Variants in OPLAH observed in about 807,000 individuals in gnomAD.
The protein encoded by OPLAH is 5-oxoprolinase, ATP-hydrolysing.
Under a neutral mutation model 122.8 loss-of-function variants are expected in OPLAH, and 103 were observed. The observed-to-expected ratio is 0.84, with a 90% confidence interval of 0.71 to 0.99. The LOEUF (loss-of-function observed/expected upper bound fraction) is 0.99. OPLAH is among the 50% of genes least tolerant of loss of function. The pLI is 0.00. For synonymous variants in OPLAH, 875 were observed against 796.0 expected, an observed-to-expected ratio of 1.10 and a Z score of -1.67; for missense variants, 1,902 against 1,836.5, an observed-to-expected ratio of 1.04 and a Z score of -0.65.
chr8:144,050,673 C>T, downstream of OPLAH: 5 of 984,916 alleles, frequency 5.1e-6, no homozygotes, highest in Non-Finnish European at 6.0e-6. Context: ...TGGGCACGCG[C>T]CAAGAGCAGC....
chr8:144,051,335 C>T lies in OPLAH; in HGVS notation c.3858G>A (p.Glu1286=). 6.2e-7 allele frequency: 1 copy of T among 1,611,728 alleles called. No homozygotes were observed. The highest frequency in any genetic ancestry group is 2.2e-5 in the East Asian group (1 of 44,728). The part of the protein sequence containing the change: ...GSVYEYRRAQ[E]AV Reference sequence around the variant, plus strand: ...CTTTATTGCGGGATCCTCACACGGCCTCCTGGGCCCGGCGATACTCATAGA... The same window carrying T: ...CTTTATTGCGGGATCCTCACACGGCTTCCTGGGCCCGGCGATACTCATAGA... Residue 1286 remains glutamate, a synonymous_variant, in exon 27 of 27, where the codon GAG becomes GAA. Coordinates refer to ENST00000618853, the MANE Select transcript of OPLAH (RefSeq NM_017570.5).
At chr8:144,052,943 C>A (rs1272848439) in intron 21 of OPLAH, 40 bp downstream of exon 21, 4 of 1,573,596 alleles carry the variant, frequency 2.5e-6, no homozygotes, top group African/African-American at 2.7e-5. Flanking sequence ...GCGGCCGCAC[C>A]GTGCCCCTGC....
At position 144,056,970 on chromosome 8, in the gene OPLAH, G is replaced by C; in HGVS notation, c.1684C>G (p.Leu562Val). ...CACCTGGGGAAGCCCTGGGCCTGCA[G>C]AGCATCCACACACTGCTCCTCCAGG... Reference protein sequence around the residue: ...SRLEEQCVDALQAQGFPRSQI... With the variant: ...SRLEEQCVDAVQAQGFPRSQI... Residue 562 changes from leucine to valine, a missense_variant, in exon 12 of 27, where the codon CTG becomes GTG. Leu to Val is a conservative substitution (Grantham distance 32). Coordinates refer to ENST00000618853, the MANE Select transcript of OPLAH (RefSeq NM_017570.5). The C allele has an allele frequency of 6.3e-7, 1 of 1,584,074 alleles. No homozygotes were observed. Among genetic ancestry groups the C allele is most frequent in the Non-Finnish European group, 8.6e-7 (1 of 1,167,400 alleles).
chr8:144,055,876 G>T lies in OPLAH; in HGVS notation c.2160C>A (p.Ser720=). 1 of 1,583,902 alleles carries T rather than the reference G, an allele frequency of 6.3e-7. No homozygotes were observed. The highest frequency in any genetic ancestry group is 8.6e-7 in the Non-Finnish European group (1 of 1,165,522). The change falls in exon 16 of 27, where the codon TCC becomes TCA. Residue 720 remains serine (S), a synonymous_variant. Coordinates refer to ENST00000618853, the MANE Select transcript of OPLAH (RefSeq NM_017570.5). This position sits in a 1 kb window ranked among gnomAD's most constrained non-coding sequence, Gnocchi z 6.5. ...EVTKTGDICI[S]VGAEVPGTVG... is the part of the protein sequence containing the mutation. Reference sequence around the variant, plus strand: ...CTGTGCCGGGGACTTCGGCCCCCACGGAGATGCAGATGTCCCCTGTCTTGG... The same window carrying T: ...CTGTGCCGGGGACTTCGGCCCCCACTGAGATGCAGATGTCCCCTGTCTTGG...
intron 10 of OPLAH, 47 bp downstream of exon 10, chr8:144,057,401 G>A (rs1269423771): frequency 1.9e-6 from 3 of 1,587,242 alleles, no homozygotes; most frequent in African/African-American, 2.7e-5. Context: ...CTGGGGCAGG[G>A]AGCAGGGCTG....
chr8:144,053,577 C>A (rs1554758259), intron 19 of OPLAH, among the ~76,000 whole-genome samples, 184 bp from the exon 20 acceptor site: 1 of 152,118 alleles, frequency 6.6e-6, no homozygotes, highest in Non-Finnish European at 1.5e-5. Context: ...GAGGCAGCCA[C>A]AAGGCCCTCT....
In OPLAH at chr8:144,052,251, C is replaced by T; in HGVS notation, c.3379G>A (p.Gly1127Ser). The change falls in exon 24 of 27, where the codon GGT becomes AGT. Residue 1127 changes from glycine (G) to serine (S), a missense_variant. Around this residue, in one of 3 missense-constraint regions of OPLAH, gnomAD observed 1,726 missense variants for 1,642.1 expected, o/e 1.05. Transcript: ENST00000618853. ...YETVAGGAGAGPSWHGRSGVH... is the reference protein window; with the variant it reads ...YETVAGGAGASPSWHGRSGVH... ...CCGCTGCGCCCGTGCCAGCTGGGAC[C>T]CGCGCCCGCGCCGCCCGCCACCGTC... The T allele has an allele frequency of 6.5e-7, 1 of 1,542,928 alleles. No individual in the cohort carries two copies. The highest frequency in any genetic ancestry group is 8.7e-7 in the Non-Finnish European group (1 of 1,149,384).
downstream of OPLAH, chr8:144,050,792 C>T (rs1375089198): frequency 2.0e-6 from 2 of 987,594 alleles, no homozygotes; most frequent in Non-Finnish European, 2.4e-6. Context: ...CCGGATCCCC[C>T]AGGGACCGCG....
At chr8:144,053,154 G>A in intron 20 of OPLAH, 25 bp from the exon 21 acceptor site, 1 of 1,607,800 alleles carries the variant, frequency 6.2e-7, no homozygotes, top group South Asian at 1.1e-5. Flanking sequence ...GATCAGTGGT[G>A]GCCAGGTCAC....
chr8:144,053,416 G>A (rs1181768154), intron 19 of OPLAH, 23 bp from the exon 20 acceptor site: 1 of 1,588,170 alleles, frequency 6.3e-7, no homozygotes, highest in Non-Finnish European at 8.6e-7. Flanking sequence ...TGTCATCACT[G>A]AGCCCCTGGC....
chr8:144,054,651 A>C lies in OPLAH; in HGVS notation c.2596T>G (p.Ser866Ala). The stretch of plus-strand genomic sequence containing the variant: ...AGCATGGTGGAGTGGGGGGGCATGG[A>C]GCCTGGTGTGATGCCCCCGATGTCT... ...HADIGGITPG[S>A]MPPHSTMLQQ... Residue 866 changes from serine to alanine, a missense_variant, in exon 19 of 27, where the codon TCC becomes GCC. By Grantham distance (99) the Ser-to-Ala change is moderately conservative. Coordinates refer to ENST00000618853, the MANE Select transcript of OPLAH (RefSeq NM_017570.5). The C allele has an allele frequency of 6.2e-7, 1 of 1,612,218 alleles. No individual in the cohort carries two copies. Among genetic ancestry groups the C allele is most frequent in the Non-Finnish European group, 8.5e-7 (1 of 1,179,594 alleles).
intron 13 of OPLAH, 39 bp downstream of exon 13, chr8:144,056,579 G>A: frequency 6.2e-7 from 1 of 1,612,266 alleles, no homozygotes; most frequent in Non-Finnish European, 8.5e-7. Context: ...CAGACAGGAG[G>A]GCCCCTTGCC....
Position 144,055,796 on chromosome 8 carries a change from C to T in OPLAH, c.2240G>A (p.Ser747Asn). 6.5e-7 allele frequency: 1 copy of T among 1,537,418 alleles called. No individual in the cohort carries two copies. Among genetic ancestry groups the T allele is most frequent in the Non-Finnish European group, 8.8e-7 (1 of 1,139,478 alleles). ...QLSIFSHRFM[S>N]IAEQMGRILQ... ...TGGCAGCGGCCACTCACCAGCAATG[C>T]TCATGAAGCGGTGTGAGAAGATGGA... is the stretch of plus-strand genomic sequence containing the variant. The change falls in exon 16 of 27, where the codon AGC becomes AAC. Residue 747 changes from serine (S) to asparagine (N), a missense_variant. By Grantham distance (46) the Ser-to-Asn change is conservative. Transcript: ENST00000618853. The surrounding 1 kb of genome is among the most constrained non-coding windows in gnomAD (Gnocchi z 6.5).
chr8:144,054,940 G>A (rs782626090), intron 17 of OPLAH, 27 bp from the exon 18 acceptor site: 38 of 1,461,442 alleles, frequency 2.6e-5, no homozygotes, highest in Admixed American at 3.7e-5. Context: ...GGTGCAGAGT[G>A]GGCACAGGGG....
In OPLAH at chr8:144,060,021, G is replaced by C. The variant is rs7003860; in HGVS notation, c.12C>G (p.Pro4=). The change falls in exon 2 of 27, where the codon CCC becomes CCG. Residue 4 remains proline (P), a synonymous_variant. Transcript: ENST00000618853. Reference sequence around the variant, plus strand: ...CGATGGCAAAGTGGAAGCGGCCCTCGGGGCTGCCCATGGTGGTGGGGCTGG... The same window carrying C: ...CGATGGCAAAGTGGAAGCGGCCCTCCGGGCTGCCCATGGTGGTGGGGCTGG... MGS[P]EGRFHFAIDR... is the part of the protein sequence containing the mutation. The C allele has an allele frequency of 0.08, 128,834 of 1,611,816 alleles. 7,944 individuals are homozygous for C. The highest frequency in any genetic ancestry group is 0.32 in the African/African-American group (24,155 of 75,016).
At chr8:144,052,144 C>T (rs1554757830) in intron 24 of OPLAH, 25 bp downstream of exon 24, 1 of 1,554,968 alleles carries the variant, frequency 6.4e-7, no homozygotes, top group Non-Finnish European at 8.7e-7. Context: ...CGGCCGTGCC[C>T]CCAGCCTCCG....
Position 144,053,021 on chromosome 8 carries a change from A to C in OPLAH, c.2980T>G (p.Ser994Ala). The C allele has an allele frequency of 6.2e-7, 1 of 1,603,404 alleles. No homozygotes were observed. Among genetic ancestry groups the C allele is most frequent in the Non-Finnish European group, 8.5e-7 (1 of 1,176,076 alleles). The part of the protein sequence containing the change: ...VSSEDHMDDG[S>A]PIRLRVQISL... ...ATCTGCACACGGAGGCGGATGGGGGAACCGTCGTCCATGTGGTCTTCCGAG... is the reference window on the plus strand; with the variant it reads ...ATCTGCACACGGAGGCGGATGGGGGCACCGTCGTCCATGTGGTCTTCCGAG... The change falls in exon 21 of 27, where the codon TCC (serine) becomes GCC (alanine). Residue 994 changes from serine (S) to alanine (A), a missense_variant. Ser to Ala is a moderately conservative substitution (Grantham distance 99). Coordinates refer to ENST00000618853, the MANE Select transcript of OPLAH (RefSeq NM_017570.5).
In OPLAH at chr8:144,058,684, G is replaced by A; in HGVS notation, c.595C>T (p.Gln199Ter). The A allele has an allele frequency of 3.1e-6, 5 of 1,589,292 alleles. No individual in the cohort carries two copies. Among genetic ancestry groups the A allele is most frequent in the Non-Finnish European group, 4.3e-6 (5 of 1,169,088 alleles). Reference sequence around the variant, plus strand: ...AGCACACCCACCTGCTGCTCATGCTGGGCCCACCTATGACAAAAACCCAGT... The same window carrying A: ...AGCACACCCACCTGCTGCTCATGCTAGGCCCACCTATGACAAAAACCCAGT... ...VVLMHSYTWA[Q>*]HEQQVGVLAR... Residue 199 changes from glutamine (Q) to a stop codon, truncating the protein, a stop_gained, in exon 6 of 27, where the codon CAG becomes TAG. Transcript: ENST00000618853. LOFTEE classifies it high-confidence loss of function.
At position 144,051,396 on chromosome 8, in the gene OPLAH, G is replaced by T; in HGVS notation, c.3797C>A (p.Pro1266His). The part of the protein sequence containing the change: ...PEDPAPPPGS[P>H]PQALAFPEHG... ...CTCGGGAAAGGCCAGTGCTTGCGGG[G>T]GCGACCCCGGCGGTGGGGCGGGGTC... The change falls in exon 27 of 27, where the codon CCC becomes CAC. Residue 1266 changes from proline (P) to histidine (H), a missense_variant. Physicochemically the swap from Pro to His is moderately conservative, Grantham distance 77 (BLOSUM62 -2). Coordinates refer to ENST00000618853, the MANE Select transcript of OPLAH (RefSeq NM_017570.5). The T allele has an allele frequency of 6.2e-7, 1 of 1,601,540 alleles. No individual in the cohort carries two copies. Among genetic ancestry groups the T allele is most frequent in the African/African-American group, 1.4e-5 (1 of 73,756 alleles).
Sources: allele counts gnomAD v4.1 joint callset (sites outside exome capture counted in the v4.1 genomes callset), GRCh38; gene constraint gnomAD v4.1.1; regional missense constraint gnomAD v4.1.1; non-coding constraint Gnocchi (gnomAD v3.1); transcripts MANE v1.5; gene names NCBI Gene and HGNC (gene_info 2026-07-23, HGNC 2026-07-21).